The following DAB2 variants were observed in gnomAD, a reference collection of about 807,000 sequenced individuals.
DAB2 encodes the protein disabled homolog 2.
A neutral mutation model predicts 71.6 loss-of-function variants in DAB2; 28 were observed. The ratio of observed to expected loss-of-function variants is 0.39; its 90% CI spans 0.29 to 0.54. The LOEUF (loss-of-function observed/expected upper bound fraction) is 0.54. DAB2 is among the 20% of genes least tolerant of loss of function. The pLI is 0.68. For missense variants in DAB2, 867 were observed against 928.8 expected, an observed-to-expected ratio of 0.93 and a Z score of 0.86; for synonymous variants, 345 against 339.7, an observed-to-expected ratio of 1.02 and a Z score of -0.17.
intron 1 of DAB2, among the ~76,000 whole-genome samples, chr5:39,395,012 A>G (rs760028732): frequency 1.3e-5 from 2 of 152,206 alleles, no homozygotes; most frequent in Non-Finnish European, 2.9e-5. Context: ...TATCAGGGAA[A>G]TAATGGATTG....
intron 1 of DAB2, among the ~76,000 whole-genome samples, chr5:39,405,650 A>G (rs1237097271): frequency 6.6e-6 from 1 of 152,240 alleles, no homozygotes; most frequent in Non-Finnish European, 1.5e-5. Context: ...GCATGCTGCA[A>G]CGTAGCTTTT....
chr5:39,379,017 T>G (rs759764369), intron 11 of DAB2, among the ~76,000 whole-genome samples: 1 of 152,248 alleles, frequency 6.6e-6, no homozygotes, highest in Non-Finnish European at 1.5e-5. Context: ...TTAAATTGTA[T>G]TAACAGAAGC....
intron 5 of DAB2, 143 bp from the exon 6 acceptor site, chr5:39,390,075 C>T: frequency 1.6e-6 from 1 of 639,714 alleles, no homozygotes; most frequent in Non-Finnish European, 2.7e-6. Flanking sequence ...TAGGGGATCA[C>T]CACCAACCCA....
intron 1 of DAB2, among the ~76,000 whole-genome samples, chr5:39,405,929 T>C (rs1178721395): frequency 6.6e-6 from 1 of 152,166 alleles, no homozygotes; most frequent in East Asian, 1.9e-4. Flanking sequence ...GTGATTCCCA[T>C]TACTTCTGAG....
intron 1 of DAB2, among the ~76,000 whole-genome samples, chr5:39,424,289 G>A (rs1467817256): frequency 1.3e-5 from 2 of 151,992 alleles, no homozygotes; most frequent in African/African-American, 4.8e-5. Context: ...TAGGAATGCC[G>A]GTGTAAGACA....
intron 1 of DAB2, among the ~76,000 whole-genome samples, chr5:39,405,865 C>A (rs77283630): frequency 0.028 from 4,226 of 152,280 alleles, 110 homozygotes; most frequent in African/African-American, 0.066. Flanking sequence ...ACCTCACTAG[C>A]TGCTTCTCTT....
chr5:39,381,935 G>A (rs2112034831), intron 10 of DAB2, among the ~76,000 whole-genome samples: 1 of 152,276 alleles, frequency 6.6e-6, no homozygotes, highest in Non-Finnish European at 1.5e-5. Flanking sequence ...GAGCAAGTGT[G>A]TAAAAGGGGC....
intron 11 of DAB2, 142 bp from the exon 12 acceptor site, chr5:39,377,424 C>T (rs1176280964): frequency 5.9e-6 from 5 of 840,534 alleles, no homozygotes; most frequent in Middle Eastern, 3.5e-4. Flanking sequence ...AAGAATATGA[C>T]AGATTAATCA....
At chr5:39,382,590 T>C (rs1264670803) in intron 10 of DAB2, 28 bp downstream of exon 10, 1 of 1,599,258 alleles carries the variant, frequency 6.3e-7, no homozygotes, top group South Asian at 1.1e-5. Flanking sequence ...TGCACTCTGC[T>C]AATGGATATG....
intron 1 of DAB2, among the ~76,000 whole-genome samples, chr5:39,421,677 C>T (rs973170716): frequency 6.6e-6 from 1 of 152,132 alleles, no homozygotes; most frequent in Non-Finnish European, 1.5e-5. Flanking sequence ...GTCTGCTTTC[C>T]TTCTGATTTC....
At chr5:39,413,497 A>G (rs1311382097) in intron 1 of DAB2, among the ~76,000 whole-genome samples, 1 of 152,186 alleles carries the variant, frequency 6.6e-6, no homozygotes, top group Non-Finnish European at 1.5e-5. Flanking sequence ...ACATTTTGAA[A>G]TGTGAGCTCC....
chr5:39,382,593 T>TG lies in DAB2; in HGVS notation c.1341+24dup, dbSNP rs1334940024. 17 of 1,599,580 alleles carry TG rather than the reference T, an allele frequency of 1.1e-5. No homozygotes were observed. The Admixed American group carries it at 2.7e-4, about 25-fold the overall frequency. ...TGGTACCGAACATGCACTCTGCTAA[T>TG]GGATATGTGGAGAAGACAATTCACC... On this transcript the variant is annotated intron_variant, in intron 10 of 14. Transcript: ENST00000320816.
intron 9 of DAB2, chr5:39,385,128 C>T (rs1023130487): frequency 2.6e-5 from 4 of 151,924 alleles, no homozygotes. Context: ...AAGCCAAAGC[C>T]AGGCTTTCTC....
chr5:39,404,337 A>G (rs946457151), intron 1 of DAB2, among the ~76,000 whole-genome samples: 2 of 151,686 alleles, frequency 1.3e-5, no homozygotes, highest in African/African-American at 4.8e-5. Context: ...TGGCACATGT[A>G]TACATACGTA....
chr5:39,399,416 G>GT (rs1755447351), intron 1 of DAB2, among the ~76,000 whole-genome samples: 1 of 152,170 alleles, frequency 6.6e-6, no homozygotes. Flanking sequence ...GAAAAGAGAA[G>GT]TAAGATGACA....
intron 1 of DAB2, among the ~76,000 whole-genome samples, chr5:39,397,987 G>A (rs6895180): frequency 2.0e-5 from 3 of 152,148 alleles, no homozygotes; most frequent in Non-Finnish European, 4.4e-5. Context: ...ATCAATGCAT[G>A]TGTTGATAGC....
chr5:39,400,384 C>T (rs1435219225), intron 1 of DAB2, among the ~76,000 whole-genome samples: 4 of 152,098 alleles, frequency 2.6e-5, no homozygotes, highest in Non-Finnish European at 5.9e-5. Context: ...AGCCACCCAC[C>T]ACCATGCCTG....
Position 39,373,417 on chromosome 5 carries a change from AC to A in DAB2, c.*13del, listed in dbSNP as rs1182212894. ...TTTTATTCCTCTGGATGGTCTGCAG[AC>A]CAAGTTCCTAGAGAGGTATGGAGAA... On this transcript the variant is annotated 3_prime_UTR_variant, in exon 15 of 15. Coordinates refer to ENST00000320816, the MANE Select transcript of DAB2 (RefSeq NM_001343.4). 6.6e-6 allele frequency: 1 copy of A among 152,588 alleles called. No homozygotes were observed. The highest frequency in any genetic ancestry group is 1.5e-5 in the Non-Finnish European group (1 of 68,036). 9.5% of individuals were successfully genotyped at this position (152,588 alleles called of 1,614,324 possible).
chr5:39,388,377 G>C lies in DAB2; in HGVS notation c.625-10C>G. The stretch of plus-strand genomic sequence containing the variant: ...CCATCTGGTCAACACCCTTAAAAAA[G>C]TATTTGGATTAGATTCAGATGTGTC... On this transcript the variant is annotated splice_polypyrimidine_tract_variant and intron_variant, in intron 8 of 14. Coordinates refer to ENST00000320816, the MANE Select transcript of DAB2 (RefSeq NM_001343.4). 2 of 1,595,488 alleles carry C rather than the reference G, an allele frequency of 1.3e-6. No individual in the cohort carries two copies. Among genetic ancestry groups the C allele is most frequent in the South Asian group, 2.2e-5 (2 of 90,462 alleles).
Sources: allele counts gnomAD v4.1 joint callset (sites outside exome capture counted in the v4.1 genomes callset), GRCh38; gene constraint gnomAD v4.1.1; transcripts MANE v1.5; gene names NCBI Gene and HGNC (gene_info 2026-07-23, HGNC 2026-07-21).